RNF121: variants seen among roughly 807,000 people sequenced by gnomAD.
RNF121 encodes E3 ubiquitin ligase RNF121.
A neutral mutation model predicts 46.5 loss-of-function variants in RNF121; 21 were observed. That is an observed-to-expected ratio of 0.45 (90% CI 0.32 to 0.65). The LOEUF (loss-of-function observed/expected upper bound fraction) is 0.65. Ranked by LOEUF, RNF121 falls within the 30% of genes least tolerant of loss-of-function variation. The pLI is 0.04. For missense variants in RNF121, 346 were observed against 416.0 expected, an observed-to-expected ratio of 0.83 and a Z score of 1.46; for synonymous variants, 139 against 144.7, an observed-to-expected ratio of 0.96 and a Z score of 0.28.
intron 6 of RNF121, among the ~76,000 whole-genome samples, chr11:71,993,281 A>G (rs1484110556): frequency 6.6e-6 from 1 of 152,202 alleles, no homozygotes; most frequent in Non-Finnish European, 1.5e-5. Flanking sequence ...CATTAATTAC[A>G]TTTGCAGTGT....
At chr11:71,989,628 C>G (rs538800785) in intron 5 of RNF121, among the ~76,000 whole-genome samples, 1 of 152,190 alleles carries the variant, frequency 6.6e-6, no homozygotes, top group Non-Finnish European at 1.5e-5. Context: ...AATATTTTAA[C>G]AGATAATTTT....
In RNF121 at chr11:71,985,941, CAAAAA is replaced by C. The variant is rs201859304; in HGVS notation, c.399-1058_399-1054del. On this transcript the variant is annotated intron_variant, in intron 4 of 8. Transcript: ENST00000361756. ...GACCCCATCTCTAGCCAAAAAAAAA[CAAAAA>C]AAAAGGCCCTGGTTCCTTCAGGGAA... is the stretch of plus-strand genomic sequence containing the variant. 1.1e-4 allele frequency among the ~76,000 whole-genome samples: 17 copies of C among 148,970 alleles called. No homozygotes were observed. The East Asian group carries it at 3.2e-3, about 28-fold the overall frequency.
At chr11:71,967,341 T>A (rs549539337) in intron 3 of RNF121, among the ~76,000 whole-genome samples, 64 of 91,822 alleles carry the variant, frequency 7.0e-4, no homozygotes, top group Admixed American at 2.3e-3. Flanking sequence ...ATTATGTGGG[T>A]TTTTTTTGTT....
intron 6 of RNF121, among the ~76,000 whole-genome samples, chr11:71,993,382 A>G (rs2134221179): frequency 6.6e-6 from 1 of 152,290 alleles, no homozygotes; most frequent in Middle Eastern, 3.4e-3. Flanking sequence ...ACCCCTTCCC[A>G]CAGCCCTGGT....
chr11:71,966,493 T>C (rs1954281196), intron 3 of RNF121, among the ~76,000 whole-genome samples: 1 of 152,036 alleles, frequency 6.6e-6, no homozygotes, highest in Non-Finnish European at 1.5e-5. Context: ...ATACTTTTTT[T>C]TTTTAAGATA....
At chr11:71,996,134 C>A in intron 8 of RNF121, 61 bp from the exon 9 acceptor site, 2 of 1,600,578 alleles carry the variant, frequency 1.2e-6, no homozygotes, top group Non-Finnish European at 1.7e-6. Flanking sequence ...GCCCCACCAC[C>A]CATGCTAGAT....
intron 1 of RNF121, among the ~76,000 whole-genome samples, chr11:71,930,334 A>G (rs2134137510): frequency 6.6e-6 from 1 of 152,030 alleles, no homozygotes; most frequent in Non-Finnish European, 1.5e-5. Flanking sequence ...AGTGGGGAGG[A>G]TTGGGGATGA....
At chr11:71,966,256 T>A (rs1034902032) in intron 3 of RNF121, among the ~76,000 whole-genome samples, 3 of 152,198 alleles carry the variant, frequency 2.0e-5, no homozygotes, top group African/African-American at 7.2e-5. Flanking sequence ...TGACCTCAGG[T>A]GATCCGCTCA....
At chr11:71,933,907 C>G (rs556082637) in intron 1 of RNF121, among the ~76,000 whole-genome samples, 1 of 152,302 alleles carries the variant, frequency 6.6e-6, no homozygotes, top group East Asian at 1.9e-4. Flanking sequence ...ATGGTATATG[C>G]TTTTTTATTA....
intron 3 of RNF121, among the ~76,000 whole-genome samples, chr11:71,965,254 A>AT (rs10707525): frequency 0.027 from 3,784 of 141,502 alleles, 57 homozygotes; most frequent in East Asian, 0.076. Flanking sequence ...CTGCATAGTA[A>AT]TTTTTTTTTT....
chr11:71,996,088 C>T lies in RNF121; in HGVS notation c.864-107C>T. 6 of 1,370,690 alleles carry T rather than the reference C, an allele frequency of 4.4e-6. No homozygotes were observed. In the South Asian group the frequency reaches 7.7e-5, roughly 18 times the overall value. The allele number at this position is 1,370,690 out of a possible 1,614,324, so 84.9% of individuals were successfully genotyped here. ...AGAAAGCAGCCTCCATTCCTCTAGG[C>T]TGTGGAGCAGCTGGAAAGTGGGGCA... On this transcript the variant is annotated intron_variant, in intron 8 of 8. Coordinates refer to ENST00000361756, the MANE Select transcript of RNF121 (RefSeq NM_018320.5).
At chr11:71,983,446 T>G (rs558442848) in intron 4 of RNF121, among the ~76,000 whole-genome samples, 1 of 152,384 alleles carries the variant, frequency 6.6e-6, no homozygotes, top group East Asian at 1.9e-4. Context: ...TTTTGTTGAA[T>G]GAATGAATCT....
At chr11:71,949,911 G>A (rs1017216240) in intron 1 of RNF121, among the ~76,000 whole-genome samples, 3 of 151,924 alleles carry the variant, frequency 2.0e-5, no homozygotes, top group Non-Finnish European at 4.4e-5. Context: ...CTGAGGCAGA[G>A]AATTGCTTAA....
chr11:71,969,875 A>G (rs1954381378), intron 3 of RNF121, among the ~76,000 whole-genome samples: 1 of 152,160 alleles, frequency 6.6e-6, no homozygotes, highest in African/African-American at 2.4e-5. Flanking sequence ...CCAAAACCAC[A>G]TTTTAAAAAG....
chr11:71,985,002 G>A (rs1408873284), intron 4 of RNF121, among the ~76,000 whole-genome samples: 1 of 152,094 alleles, frequency 6.6e-6, no homozygotes, highest in Admixed American at 6.5e-5. Flanking sequence ...ACTCACTGCA[G>A]CCTCATCCTC....
At chr11:71,977,025 A>G (rs1320984268) in intron 3 of RNF121, among the ~76,000 whole-genome samples, 1 of 152,166 alleles carries the variant, frequency 6.6e-6, no homozygotes, top group East Asian at 1.9e-4. Context: ...ATCATTTATG[A>G]AAATATTGAG....
At chr11:71,949,102 T>A (rs1157307468) in intron 1 of RNF121, among the ~76,000 whole-genome samples, 1 of 152,220 alleles carries the variant, frequency 6.6e-6, no homozygotes, top group Non-Finnish European at 1.5e-5. Flanking sequence ...TTGGGCTTAT[T>A]CCTCTTTAAT....
chr11:71,986,974 A>T (rs533299668), intron 4 of RNF121, 30 bp from the exon 5 acceptor site: 1 of 1,271,740 alleles, frequency 7.9e-7, no homozygotes, highest in African/African-American at 1.5e-5. Flanking sequence ...TCTCTGTGTC[A>T]GCTGCACTAA....
intron 1 of RNF121, among the ~76,000 whole-genome samples, chr11:71,955,891 G>C (rs772031081): frequency 2.8e-4 from 43 of 152,186 alleles, no homozygotes; most frequent in Non-Finnish European, 5.6e-4. Context: ...ATTCTGTGAG[G>C]CAGTGTGGGT....
Sources: allele counts gnomAD v4.1 joint callset (sites outside exome capture counted in the v4.1 genomes callset), GRCh38; gene constraint gnomAD v4.1.1; transcripts MANE v1.5; gene names NCBI Gene and HGNC (gene_info 2026-07-23, HGNC 2026-07-21).